CERS6: variants seen among roughly 807,000 people sequenced by gnomAD.
CERS6 encodes the protein ceramide synthase 6.
A neutral mutation model predicts 56.8 loss-of-function variants in CERS6; 26 were observed. The observed-to-expected ratio is 0.46, with a 90% CI of 0.34 to 0.63. The LOEUF is 0.63. CERS6 is among the 30% of genes least tolerant of loss of function. The pLI, the probability that CERS6 is intolerant of heterozygous loss-of-function variation, is 0.01. For missense variants in CERS6, 415 were observed against 467.5 expected, an observed-to-expected ratio of 0.89 and a Z score of 1.04; for synonymous variants, 164 against 173.3, an observed-to-expected ratio of 0.95 and a Z score of 0.42.
At chr2:168,497,283 A>G (rs1256468623) in intron 1 of CERS6, among the ~76,000 whole-genome samples, 1 of 152,216 alleles carries the variant, frequency 6.6e-6, no homozygotes, top group African/African-American at 2.4e-5. Context: ...AATTCAACAA[A>G]TATTGACTGA....
At chr2:168,547,912 A>G (rs1175593384) in intron 2 of CERS6, among the ~76,000 whole-genome samples, 2 of 152,224 alleles carry the variant, frequency 1.3e-5, no homozygotes, top group Non-Finnish European at 2.9e-5. Flanking sequence ...GTTGATTTTT[A>G]GTAGCTCACC....
intron 6 of CERS6, among the ~76,000 whole-genome samples, chr2:168,695,597 C>T (rs1686626426): frequency 6.6e-6 from 1 of 152,154 alleles, no homozygotes; most frequent in Non-Finnish European, 1.5e-5. Flanking sequence ...AGCTTCTGGG[C>T]AGAATTGGCA....
In CERS6 at chr2:168,563,507, C is replaced by T. The variant is rs190828731; in HGVS notation, c.407+2185C>T. On this transcript the variant is annotated intron_variant, in intron 3 of 9. Transcript: ENST00000305747. ...TCAAAGATAGATATTAGAAAATAAC[C>T]AGATATGGGGCCAGGTGCAGTGGCT... Among the ~76,000 whole-genome samples the T allele has an allele frequency of 1.0e-3, 157 of 151,818 alleles. 1 individual carries two copies. Among genetic ancestry groups the T allele is most frequent in the African/African-American group, 3.7e-3 (153 of 41,342 alleles).
At chr2:168,571,705 G>A (rs907902801) in intron 3 of CERS6, among the ~76,000 whole-genome samples, 2 of 152,114 alleles carry the variant, frequency 1.3e-5, no homozygotes, top group African/African-American at 4.8e-5. Context: ...ATGGGTATAT[G>A]TATTTATGGG....
At chr2:168,698,552 G>A (rs951286930) in intron 6 of CERS6, among the ~76,000 whole-genome samples, 1 of 152,142 alleles carries the variant, frequency 6.6e-6, no homozygotes, top group African/African-American at 2.4e-5. Context: ...GGGGGATGGT[G>A]TTAAACGATG....
At chr2:168,739,541 G>A (rs1683829564) in intron 8 of CERS6, among the ~76,000 whole-genome samples, 1 of 152,180 alleles carries the variant, frequency 6.6e-6, no homozygotes, top group Non-Finnish European at 1.5e-5. Context: ...AGCCAAGGGT[G>A]CAGAAGATTC....
At chr2:168,697,199 A>G (rs1450054131) in intron 6 of CERS6, among the ~76,000 whole-genome samples, 1 of 152,156 alleles carries the variant, frequency 6.6e-6, no homozygotes, top group East Asian at 1.9e-4. Context: ...TTAATATGGT[A>G]TATATCAGCT....
At chr2:168,745,251 T>C (rs1434814115) in intron 8 of CERS6, among the ~76,000 whole-genome samples, 2 of 151,872 alleles carry the variant, frequency 1.3e-5, no homozygotes, top group Non-Finnish European at 2.9e-5. Context: ...TTAAAAATTT[T>C]TTTTTTTTTA....
chr2:168,766,430 C>A, intron 9 of CERS6: 1 of 1,213,672 alleles, frequency 8.2e-7, no homozygotes, highest in Non-Finnish European at 1.2e-6. Flanking sequence ...TGTTTCCACG[C>A]ATATTGTTCT....
At chr2:168,612,381 A>C (rs566691792) in intron 3 of CERS6, among the ~76,000 whole-genome samples, 2 of 152,356 alleles carry the variant, frequency 1.3e-5, no homozygotes, top group African/African-American at 4.8e-5. Flanking sequence ...TGTTAGAACA[A>C]TATCTTATGG....
intron 4 of CERS6, among the ~76,000 whole-genome samples, chr2:168,635,724 G>A (rs1684846910): frequency 6.6e-6 from 1 of 152,204 alleles, no homozygotes; most frequent in Admixed American, 6.5e-5. Context: ...ACTGCTGGGT[G>A]AAAACTTGTG....
intron 3 of CERS6, among the ~76,000 whole-genome samples, chr2:168,614,139 A>C (rs1684253785): frequency 6.6e-6 from 1 of 152,242 alleles, no homozygotes; most frequent in Non-Finnish European, 1.5e-5. Flanking sequence ...CATCTTCTCA[A>C]ATAGAAAATA....
chr2:168,499,816 G>A (rs143545828), intron 1 of CERS6, among the ~76,000 whole-genome samples: 14 of 152,250 alleles, frequency 9.2e-5, no homozygotes, highest in African/African-American at 2.6e-4. Flanking sequence ...CATAAACCCC[G>A]TAACCGGGAA....
At chr2:168,728,281 GTAA>G (rs1683407883) in intron 8 of CERS6, among the ~76,000 whole-genome samples, 1 of 151,346 alleles carries the variant, frequency 6.6e-6, no homozygotes. Flanking sequence ...AGTCTCGTGA[GTAA>G]TAATAAGGCA....
At chr2:168,489,100 A>G (rs951931299) in intron 1 of CERS6, among the ~76,000 whole-genome samples, 1 of 152,100 alleles carries the variant, frequency 6.6e-6, no homozygotes, top group Non-Finnish European at 1.5e-5. Context: ...GAAAATGAAT[A>G]CTTTTAATTT....
chr2:168,511,722 C>T (rs902818752), intron 1 of CERS6, among the ~76,000 whole-genome samples: 39 of 151,810 alleles, frequency 2.6e-4, no homozygotes, highest in African/African-American at 3.6e-4. Flanking sequence ...CTTATTTTTC[C>T]GTTTGTATTT....
chr2:168,584,750 G>C (rs1378762629), intron 3 of CERS6, among the ~76,000 whole-genome samples: 1 of 152,194 alleles, frequency 6.6e-6, no homozygotes, highest in African/African-American at 2.4e-5. Context: ...TGGAGAATTT[G>C]GGGCAAATTC....
At chr2:168,497,657 G>C (rs1260439244) in intron 1 of CERS6, among the ~76,000 whole-genome samples, 9 of 152,192 alleles carry the variant, frequency 5.9e-5, no homozygotes, top group Admixed American at 6.5e-5. Context: ...GTGAGCAGGT[G>C]GAGAACAGGA....
chr2:168,775,105 TTC>T lies in CERS6; in HGVS notation c.*5444_*5445del, dbSNP rs1553518336. On this transcript the variant is annotated 3_prime_UTR_variant, in exon 10 of 10. Coordinates refer to ENST00000305747, the MANE Select transcript of CERS6 (RefSeq NM_203463.3). ...AGGATCATTTTACTTTGGAAACACT[TTC>T]ATAATAAAGATAAGTATTAAGAGTG... The T allele has an allele frequency of 2.6e-5, 4 of 152,316 alleles. No homozygotes were observed. Among genetic ancestry groups the T allele is most frequent in the Non-Finnish European group, 5.9e-5 (4 of 68,030 alleles). 9.4% of individuals were successfully genotyped at this position (152,316 alleles called of 1,614,324 possible).
Sources: gnomAD v4.1 joint callset for allele counts (sites outside exome capture counted in the v4.1 genomes callset) on GRCh38, gnomAD v4.1.1 for gene constraint, MANE v1.5 for transcripts, NCBI Gene and HGNC (gene_info 2026-07-23, HGNC 2026-07-21) for gene names.